Variants in AIM2 observed in about 807,000 individuals in gnomAD.
AIM2 encodes absent in melanoma 2.
Under a neutral mutation model 27.7 loss-of-function variants are expected in AIM2, and 30 were observed. The observed-to-expected ratio is 1.08, with a 90% confidence interval of 0.81 to 1.47. The LOEUF is 1.47. AIM2 is among the 40% of genes most tolerant of loss of function. The pLI is 0.00. For missense variants in AIM2, 358 were observed against 411.3 expected (o/e 0.87, Z 1.12); for synonymous variants, 141 against 145.3 (o/e 0.97, Z 0.21).
chr1:159,057,902 G>A (rs1012444132), downstream of AIM2, among the ~76,000 whole-genome samples: 1 of 152,180 alleles, frequency 6.6e-6, no homozygotes, highest in Non-Finnish European at 1.5e-5. Flanking sequence ...TAGGCCTTTT[G>A]GATTGGCTTT....
intron 1 of AIM2, among the ~76,000 whole-genome samples, chr1:159,140,088 G>T (rs867518959): frequency 1.3e-5 from 2 of 152,016 alleles, no homozygotes; most frequent in Middle Eastern, 3.4e-3. Flanking sequence ...TTCCTTTCAG[G>T]CGAGGGCTTA....
rs35430875 is a variant in AIM2 at position 159,073,286 on chromosome 1, A to G, written c.214T>C (p.Leu72=). The G allele has an allele frequency of 3.6e-5, 58 of 1,614,114 alleles. No individual in the cohort carries two copies. Among genetic ancestry groups the G allele is most frequent in the Non-Finnish European group, 3.0e-5 (35 of 1,180,044 alleles). Residue 72 remains leucine (L), a synonymous_variant, in exon 2 of 6, where the codon TTG becomes CTG. Coordinates refer to ENST00000368130, the MANE Select transcript of AIM2 (RefSeq NM_004833.3). ...CGTTTTGCCAAAAGCATATAATTCAACTTCTGAAAAATACGAATGGTCTTC... is the reference window on the plus strand; with the variant it reads ...CGTTTTGCCAAAAGCATATAATTCAGCTTCTGAAAAATACGAATGGTCTTC... ...VMKTIRIFQK[L]NYMLLAKRLQ...
At chr1:159,131,188 T>C (rs544346275) in intron 1 of AIM2, among the ~76,000 whole-genome samples, 3 of 152,318 alleles carry the variant, frequency 2.0e-5, no homozygotes, top group African/African-American at 7.2e-5. Context: ...TTATTCCCAA[T>C]GCATCTCCAG....
chr1:159,141,667 C>T (rs1557918091), upstream of AIM2, among the ~76,000 whole-genome samples: 1 of 152,120 alleles, frequency 6.6e-6, no homozygotes, highest in Non-Finnish European at 1.5e-5. Flanking sequence ...GCGCGCTCGT[C>T]CATTGCGCCA....
upstream of AIM2, among the ~76,000 whole-genome samples, chr1:159,077,986 C>G (rs1023007499): frequency 1.3e-5 from 2 of 152,154 alleles, no homozygotes; most frequent in African/African-American, 4.8e-5. Flanking sequence ...TTAAAGCATG[C>G]TCAAGATGCT....
chr1:159,079,690 C>G (rs976047322), upstream of AIM2, among the ~76,000 whole-genome samples: 16 of 152,128 alleles, frequency 1.1e-4, no homozygotes, highest in African/African-American at 3.9e-4. Flanking sequence ...CTGAGCATGA[C>G]ACATCATTAT....
At chr1:159,106,763 C>T (rs1657456937) in intron 1 of AIM2, among the ~76,000 whole-genome samples, 1 of 152,200 alleles carries the variant, frequency 6.6e-6, no homozygotes. Flanking sequence ...GGCACTGAAC[C>T]ACAAGTGTGA....
At chr1:159,101,451 C>T (rs776561203) in intron 1 of AIM2, among the ~76,000 whole-genome samples, 6 of 152,094 alleles carry the variant, frequency 3.9e-5, no homozygotes, top group African/African-American at 4.8e-5. Flanking sequence ...TGAACTAATA[C>T]GGTAAATTGG....
chr1:159,127,472 G>A (rs1647723286), intron 1 of AIM2, among the ~76,000 whole-genome samples: 1 of 152,114 alleles, frequency 6.6e-6, no homozygotes. Context: ...GATGGCATGG[G>A]GCCATTGGGA....
At chr1:159,060,609 T>C (rs943089187), downstream of AIM2, among the ~76,000 whole-genome samples, 3 of 152,250 alleles carry the variant, frequency 2.0e-5, no homozygotes, top group African/African-American at 7.2e-5. Flanking sequence ...GTCTTTACTA[T>C]ACTTTTGCCC....
chr1:159,091,418 T>C (rs1451238591), intron 1 of AIM2, among the ~76,000 whole-genome samples: 2 of 152,224 alleles, frequency 1.3e-5, no homozygotes, highest in Non-Finnish European at 2.9e-5. Context: ...CCTTTACTTA[T>C]TCTAGGCTGG....
intron 1 of AIM2, among the ~76,000 whole-genome samples, chr1:159,082,141 T>C (rs745583882): frequency 1.3e-5 from 2 of 152,216 alleles, no homozygotes; most frequent in East Asian, 1.9e-4. Context: ...GGAATAAGAA[T>C]AGAATTGGCA....
intron 5 of AIM2, among the ~76,000 whole-genome samples, chr1:159,062,977 C>T (rs1450543384): frequency 6.6e-6 from 1 of 152,150 alleles, no homozygotes; most frequent in African/African-American, 2.4e-5. Flanking sequence ...AGATAGCAGG[C>T]AGTGCAACCA....
chr1:159,110,735 C>T (rs886391737), intron 1 of AIM2, among the ~76,000 whole-genome samples: 12 of 152,200 alleles, frequency 7.9e-5, no homozygotes, highest in African/African-American at 2.4e-4. Context: ...TCCTGCCCCT[C>T]TAGATTACAT....
chr1:159,076,197 A>G (rs192790500), intron 1 of AIM2, among the ~76,000 whole-genome samples: 1 of 152,340 alleles, frequency 6.6e-6, no homozygotes, highest in East Asian at 1.9e-4. Flanking sequence ...CTACTTGTCC[A>G]TAAGAAGCTA....
intron 1 of AIM2, among the ~76,000 whole-genome samples, chr1:159,112,966 A>G (rs1657612451): frequency 6.8e-6 from 1 of 146,714 alleles, no homozygotes; most frequent in African/African-American, 2.6e-5. Flanking sequence ...TTTTTTTGGG[A>G]CGGAGTCTCA....
chr1:159,138,296 G>A (rs1034929270), intron 1 of AIM2, among the ~76,000 whole-genome samples: 1 of 152,032 alleles, frequency 6.6e-6, no homozygotes, highest in Non-Finnish European at 1.5e-5. Context: ...AATCAGGCTG[G>A]TGCCCACATC....
At chr1:159,070,275 T>G (rs1162571123) in intron 2 of AIM2, among the ~76,000 whole-genome samples, 2 of 152,234 alleles carry the variant, frequency 1.3e-5, no homozygotes, top group Admixed American at 6.5e-5. Flanking sequence ...TAAAACCTTG[T>G]TTTATCATAA....
intron 3 of AIM2, among the ~76,000 whole-genome samples, chr1:159,066,956 A>G (rs1656130123): frequency 6.6e-6 from 1 of 152,258 alleles, no homozygotes; most frequent in Non-Finnish European, 1.5e-5. Flanking sequence ...TGAATTATGC[A>G]CTAAGGTTTA....
Sources: allele counts gnomAD v4.1 joint callset (sites outside exome capture counted in the v4.1 genomes callset), GRCh38; gene constraint gnomAD v4.1.1; transcripts MANE v1.5; gene names NCBI Gene and HGNC (gene_info 2026-07-23, HGNC 2026-07-21).